PPP2R5C: variants seen among roughly 807,000 people sequenced by gnomAD.
PPP2R5C encodes protein phosphatase 2 regulatory subunit B'gamma.
A neutral mutation model predicts 68.9 loss-of-function variants in PPP2R5C; 7 were observed. That is an observed-to-expected ratio of 0.10 (90% CI 0.06 to 0.19). PPP2R5C has a LOEUF of 0.19. Among genes scored for constraint, PPP2R5C ranks in the 10% least tolerant of loss-of-function variants. The pLI, the probability that PPP2R5C is intolerant of heterozygous loss-of-function variation, is 1.00. For missense variants in PPP2R5C, 348 were observed against 641.3 expected (o/e 0.54, Z 4.94); for synonymous variants, 210 against 222.2 (o/e 0.95, Z 0.49).
intron 11 of PPP2R5C, among the ~76,000 whole-genome samples, 188 bp downstream of exon 13, chr14:101,909,878 G>A (rs1410897799): frequency 6.6e-6 from 1 of 152,188 alleles, no homozygotes; most frequent in African/African-American, 2.4e-5. Flanking sequence ...TTTAAAGGTA[G>A]CTATTCTCCC....
At chr14:101,788,059 A>G (rs1362152832) in intron 3 of PPP2R5C, among the ~76,000 whole-genome samples, 3 of 152,148 alleles carry the variant, frequency 2.0e-5, no homozygotes, top group Non-Finnish European at 4.4e-5. Flanking sequence ...AAGGAAAGGG[A>G]TAGGTATCAA....
chr14:101,912,370 C>CTA, intron 11 of PPP2R5C, 31 bp from the exon 14 acceptor site: 1 of 1,566,252 alleles, frequency 6.4e-7, no homozygotes, highest in Non-Finnish European at 8.7e-7. Flanking sequence ...TGATGCATCT[C>CTA]TAACACAGAT....
chr14:101,760,906 AGGGCTGGCCGAGGGGAG>A (rs1424687921), upstream of PPP2R5C, among the ~76,000 whole-genome samples: 4 of 47,456 alleles, frequency 8.4e-5, no homozygotes, highest in Admixed American at 4.4e-4. Context: ...GTCGAGGGGA[AGGGCTGGCCGAGGGGAG>A]GGGCTGGCCG....
intron 2 of PPP2R5C, among the ~76,000 whole-genome samples, chr14:101,769,374 C>T (rs1308487280): frequency 1.3e-5 from 2 of 152,172 alleles, no homozygotes; most frequent in Admixed American, 6.5e-5. Context: ...CTTCTTTGAT[C>T]TTGCCATATA....
At chr14:101,919,884 G>A (rs759561362) in intron 13 of PPP2R5C, among the ~76,000 whole-genome samples, 6 of 147,918 alleles carry the variant, frequency 4.1e-5, no homozygotes, top group African/African-American at 5.0e-5. Flanking sequence ...CAGGAGAATC[G>A]CTTGAACCTG....
exon 14 of PPP2R5C, chr14:101,925,676 C>G (rs2047260612): frequency 6.4e-6 from 1 of 156,538 alleles, no homozygotes; most frequent in African/African-American, 2.4e-5. Flanking sequence ...AAAAATAGGA[C>G]CTATTTTTTA....
intron 1 of PPP2R5C, chr14:101,836,237 C>A (rs749599687): frequency 2.8e-6 from 2 of 702,790 alleles, no homozygotes; most frequent in Non-Finnish European, 5.2e-6. Context: ...TCAGCTGTGG[C>A]CGCCTACGGA....
At chr14:101,852,093 C>T (rs903565899) in intron 1 of PPP2R5C, among the ~76,000 whole-genome samples, 3 of 152,194 alleles carry the variant, frequency 2.0e-5, no homozygotes, top group African/African-American at 7.2e-5. Flanking sequence ...CAAAAACAAC[C>T]TCCAGCACAC....
At chr14:101,823,851 G>A in intron 1 of PPP2R5C, 1 of 1,213,160 alleles carries the variant, frequency 8.2e-7, no homozygotes, top group Non-Finnish European at 1.1e-6. Context: ...GCTTTTTACA[G>A]TGGTGTAGAG....
At chr14:101,842,501 G>C (rs1009500561) in intron 1 of PPP2R5C, among the ~76,000 whole-genome samples, 1 of 152,190 alleles carries the variant, frequency 6.6e-6, no homozygotes. Context: ...GGTGCTCTGC[G>C]TGCACTCATC....
chr14:101,921,826 G>GA (rs1254926979), intron 13 of PPP2R5C, among the ~76,000 whole-genome samples: 2 of 152,140 alleles, frequency 1.3e-5, no homozygotes, highest in African/African-American at 4.8e-5. Context: ...GATTTTTGTG[G>GA]AGAAATTCAA....
At chr14:101,898,213 T>C (rs2045474866) in intron 8 of PPP2R5C, among the ~76,000 whole-genome samples, 1 of 151,802 alleles carries the variant, frequency 6.6e-6, no homozygotes, top group Admixed American at 6.6e-5. Flanking sequence ...GAAGGAGAGA[T>C]TTTTGAAAGT....
exon 9 of PPP2R5C, chr14:101,901,829 G>A (rs2045710771): frequency 1.2e-6 from 2 of 1,614,046 alleles, no homozygotes; most frequent in South Asian, 1.1e-5. Context: ...CAGAATTTGT[G>A]AAGATCATGG....
At chr14:101,900,199 G>C (rs2045596729) in intron 8 of PPP2R5C, among the ~76,000 whole-genome samples, 1 of 152,144 alleles carries the variant, frequency 6.6e-6, no homozygotes, top group Admixed American at 6.5e-5. Context: ...ACTTTCCTTT[G>C]TTTCATGAAT....
chr14:101,795,498 TTAAA>T (rs1169137339), intron 3 of PPP2R5C, among the ~76,000 whole-genome samples: 2 of 152,202 alleles, frequency 1.3e-5, no homozygotes, highest in Admixed American at 6.5e-5. Context: ...GGTGGAAGTG[TTAAA>T]TAAAGAGACC....
chr14:101,828,488 G>A lies in PPP2R5C; in HGVS notation c.94+18452G>A, dbSNP rs184018469. ...TGTAGGGGGAGTGTCGTATTCAGAG[G>A]ATATACATCAAGGCAAGGATACTCT... On this transcript the variant is annotated intron_variant, in intron 1 of 13. Transcript: ENST00000334743. Among the ~76,000 whole-genome samples, 538 of 152,024 alleles carry A rather than the reference G, an allele frequency of 3.5e-3. 5 individuals carry two copies. Among genetic ancestry groups the A allele is most frequent in the African/African-American group, 0.012 (510 of 41,430 alleles).
intron 1 of PPP2R5C, among the ~76,000 whole-genome samples, chr14:101,831,208 T>C (rs2040715884): frequency 6.6e-6 from 1 of 152,212 alleles, no homozygotes; most frequent in African/African-American, 2.4e-5. Flanking sequence ...TTACCATAAA[T>C]GAAATATGAC....
intron 9 of PPP2R5C, among the ~76,000 whole-genome samples, chr14:101,903,822 C>T (rs1430998049): frequency 1.3e-5 from 2 of 151,612 alleles, no homozygotes; most frequent in African/African-American, 4.9e-5. Flanking sequence ...ATTACAGGTG[C>T]GTGCCACCAC....
intron 8 of PPP2R5C, 59 bp downstream of exon 10, chr14:101,894,619 T>A: frequency 1.3e-6 from 2 of 1,490,814 alleles, no homozygotes; most frequent in Non-Finnish European, 1.9e-6. Flanking sequence ...ATGTAAATAT[T>A]ACAACATCTG....
Sources: allele counts gnomAD v4.1 joint callset (sites outside exome capture counted in the v4.1 genomes callset), GRCh38; gene constraint gnomAD v4.1.1; transcripts MANE v1.5; gene names NCBI Gene and HGNC (gene_info 2026-07-23, HGNC 2026-07-21).